LTBP2: variants seen among roughly 807,000 people sequenced by gnomAD.
The protein encoded by LTBP2 is latent-transforming growth factor beta-binding protein 2.
A neutral mutation model predicts 210.6 loss-of-function variants in LTBP2; 103 were observed. The ratio of observed to expected loss-of-function variants is 0.49; its 90% CI spans 0.42 to 0.58. The LOEUF (loss-of-function observed/expected upper bound fraction) is 0.58, where lower values mean the gene tolerates loss of function less well. LTBP2 is among the 20% of genes least tolerant of loss of function. LTBP2 has a pLI of 0.00. For synonymous variants in LTBP2, 1,007 were observed against 1,015.0 expected, an observed-to-expected ratio of 0.99 and a Z score of 0.15; for missense variants, 2,313 against 2,494.5, an observed-to-expected ratio of 0.93 and a Z score of 1.55.
chr14:74,585,881 G>T lies in LTBP2; in HGVS notation c.803C>A (p.Pro268Gln). Residue 268 changes from proline (P) to glutamine (Q), a missense_variant, in exon 3 of 36, where the codon CCG becomes CAG. This residue lies in a region of LTBP2 where 1,867 missense variants were observed against 1,976.9 expected (regional missense o/e 0.94). Coordinates refer to ENST00000261978, the MANE Select transcript of LTBP2 (RefSeq NM_000428.3). ...AGCTGGTGGCGACTGTGGTGCGGGCGGCGACTGTGGTGCTGGCGGCTGTGC... is the reference window on the plus strand; with the variant it reads ...AGCTGGTGGCGACTGTGGTGCGGGCTGCGACTGTGGTGCTGGCGGCTGTGC... The part of the protein sequence containing the change: ...ARAQPPAPQS[P>Q]PAPQSPPAGT... The T allele has an allele frequency of 6.2e-7, 1 of 1,613,934 alleles. No homozygotes were observed. The highest frequency in any genetic ancestry group is 8.5e-7 in the Non-Finnish European group (1 of 1,179,866).
intron 3 of LTBP2, among the ~76,000 whole-genome samples, chr14:74,570,894 T>C (rs1318136074): frequency 6.6e-6 from 1 of 152,086 alleles, no homozygotes; most frequent in Non-Finnish European, 1.5e-5. Context: ...CTGGGCAAAT[T>C]CTCAAAGTTT....
At chr14:74,555,967 G>T (rs776865772) in intron 3 of LTBP2, among the ~76,000 whole-genome samples, 2 of 152,138 alleles carry the variant, frequency 1.3e-5, no homozygotes, top group Non-Finnish European at 2.9e-5. Flanking sequence ...GCTCCTCTGG[G>T]CCCCAGGACC....
chr14:74,606,963 A>G (rs551451378), intron 1 of LTBP2, among the ~76,000 whole-genome samples: 1 of 152,082 alleles, frequency 6.6e-6, no homozygotes, highest in South Asian at 2.1e-4. Flanking sequence ...CATTGGTTGT[A>G]TCTCAGTCTT....
chr14:74,550,030 G>T, intron 7 of LTBP2, 65 bp from the exon 8 acceptor site: 1 of 1,088,998 alleles, frequency 9.2e-7, no homozygotes, highest in Non-Finnish European at 1.4e-6. Flanking sequence ...GCACAGAGAT[G>T]TCCCGGGAAA....
intron 8 of LTBP2, among the ~76,000 whole-genome samples, chr14:74,545,670 G>C (rs2087567396): frequency 6.6e-6 from 1 of 152,264 alleles, no homozygotes; most frequent in African/African-American, 2.4e-5. Context: ...CCAGATGTCT[G>C]TCTTTCTCAG....
At chr14:74,548,869 C>T (rs577266970) in intron 8 of LTBP2, among the ~76,000 whole-genome samples, 1 of 152,300 alleles carries the variant, frequency 6.6e-6, no homozygotes, top group African/African-American at 2.4e-5. Context: ...GGGACTGGTA[C>T]GTAGTATGTG....
chr14:74,518,393 C>T (rs957569473), intron 17 of LTBP2, among the ~76,000 whole-genome samples: 2 of 152,152 alleles, frequency 1.3e-5, no homozygotes, highest in Non-Finnish European at 2.9e-5. Context: ...TGTTTCCTGC[C>T]GCCCGCACCT....
At position 74,528,637 on chromosome 14, in the gene LTBP2, G is replaced by A. The variant is rs752713176; in HGVS notation, c.2214C>T (p.Arg738=). The part of the protein sequence containing the change: ...HGYTYASSDI[R]LSMRKAEEEE... ...CCTCCTCGGCTTTCCTCATGGACAG[G>A]CGGATGTCGGAGCTCGCGTAGGTGT... Residue 738 remains arginine, a synonymous_variant, in exon 12 of 36, where the codon CGC becomes CGT. Coordinates refer to ENST00000261978, the MANE Select transcript of LTBP2 (RefSeq NM_000428.3). 1.3e-5 allele frequency: 21 copies of A among 1,613,416 alleles called. No homozygotes were observed. The East Asian group carries it at 3.1e-4, about 24-fold the overall frequency.
At chr14:74,523,127 G>C (rs2087229699) in intron 15 of LTBP2, among the ~76,000 whole-genome samples, 1 of 152,068 alleles carries the variant, frequency 6.6e-6, no homozygotes, top group African/African-American at 2.4e-5. Flanking sequence ...ACCCAGGATG[G>C]AGGTCATAGT....
In LTBP2 at chr14:74,528,705, A is replaced by G. The variant is rs757638300; in HGVS notation, c.2153-7T>C. On this transcript the variant is annotated splice_region_variant and splice_polypyrimidine_tract_variant and intron_variant, in intron 11 of 35. Coordinates refer to ENST00000261978, the MANE Select transcript of LTBP2 (RefSeq NM_000428.3). Reference sequence around the variant, plus strand: ...CAGATCTCTCTGAAGGCCTCTGCAAAGCCAACAGCCAGAGGACAAACTGAG... The same window carrying G: ...CAGATCTCTCTGAAGGCCTCTGCAAGGCCAACAGCCAGAGGACAAACTGAG... 1.9e-6 allele frequency: 3 copies of G among 1,610,602 alleles called. No homozygotes were observed. Among genetic ancestry groups the G allele is most frequent in the Non-Finnish European group, 2.5e-6 (3 of 1,179,960 alleles).
chr14:74,596,742 G>A (rs2088370481), intron 2 of LTBP2, among the ~76,000 whole-genome samples: 1 of 152,204 alleles, frequency 6.6e-6, no homozygotes, highest in Admixed American at 6.5e-5. Flanking sequence ...CTGAGTGAGA[G>A]GAAGGTGTCC....
At position 74,501,002 on chromosome 14, in the gene LTBP2, C is replaced by T; in HGVS notation, c.5348G>A (p.Gly1783Glu). ...ACCATGGACACAGAGCACAGCAGGC[C>T]CGTTCAAGTCATCACACTCATTCAC... ...VDVNECDDLN[G>E]PAVLCVHGYC... The change falls in exon 36 of 36, where the codon GGG becomes GAG. Residue 1783 changes from glycine to glutamate, a missense_variant. Gly to Glu is a moderately conservative substitution (Grantham distance 98). Coordinates refer to ENST00000261978, the MANE Select transcript of LTBP2 (RefSeq NM_000428.3). 1 of 1,613,992 alleles carries T rather than the reference C, an allele frequency of 6.2e-7. No homozygotes were observed. The highest frequency in any genetic ancestry group is 8.5e-7 in the Non-Finnish European group (1 of 1,179,958).
intron 3 of LTBP2, among the ~76,000 whole-genome samples, chr14:74,576,292 G>A (rs1196404981): frequency 6.6e-6 from 1 of 152,156 alleles, no homozygotes; most frequent in East Asian, 1.9e-4. Flanking sequence ...TTAGGACAGG[G>A]GTGTCCATTC....
At chr14:74,540,024 T>C (rs1213659441) in intron 8 of LTBP2, among the ~76,000 whole-genome samples, 1 of 152,122 alleles carries the variant, frequency 6.6e-6, no homozygotes, top group African/African-American at 2.4e-5. Flanking sequence ...GGGAAATAAA[T>C]GCCAAGCCAC....
Position 74,509,612 on chromosome 14 carries a change from G to A in LTBP2, c.3277+122C>T, listed in dbSNP as rs1044317546. ...TGTTGGGGCCAGGTCCATTTATGGGGTCTTCTAGCCTAGCCTGGAGCCCCT... is the reference window on the plus strand; with the variant it reads ...TGTTGGGGCCAGGTCCATTTATGGGATCTTCTAGCCTAGCCTGGAGCCCCT... On this transcript the variant is annotated intron_variant, in intron 21 of 35. Coordinates refer to ENST00000261978, the MANE Select transcript of LTBP2 (RefSeq NM_000428.3). 2.1e-6 allele frequency: 3 copies of A among 1,420,784 alleles called. No homozygotes were observed. The African/African-American group carries it at 4.2e-5, about 20-fold the overall frequency. The allele number at this position is 1,420,784 out of a possible 1,614,324, so 88.0% of individuals were successfully genotyped here. A position where few individuals can be genotyped will look rare whatever the true frequency, so the allele number is the denominator to read the frequency against.
chr14:74,503,802 T>C, intron 31 of LTBP2, 124 bp downstream of exon 31: 12 of 1,454,830 alleles, frequency 8.2e-6, no homozygotes, highest in Non-Finnish European at 1.1e-5. Context: ...ACCAGCCTGC[T>C]GCAGTGGGCG....
rs1159047086 is a variant in LTBP2 at position 74,564,037 on chromosome 14, ATATATATATATT to A, written c.831-8356_831-8345del. Among the ~76,000 whole-genome samples the A allele has an allele frequency of 5.2e-3, 133 of 25,630 alleles. 5 individuals carry two copies. The highest frequency in any genetic ancestry group is 7.3e-3 in the Non-Finnish European group (73 of 10,052). 16.8% of individuals were successfully genotyped at this position (25,630 alleles called of 152,430 possible). A position where few individuals can be genotyped will look rare whatever the true frequency, so the allele number is the denominator to read the frequency against. ...ATAAACTGGTGCTATATATATATTT[ATATATATATATT>A]TATATATATATTTATATATATATAT... On this transcript the variant is annotated intron_variant, in intron 3 of 35. Coordinates refer to ENST00000261978, the MANE Select transcript of LTBP2 (RefSeq NM_000428.3).
chr14:74,507,236 G>A lies in LTBP2; in HGVS notation c.3850C>T (p.Arg1284Cys), dbSNP rs141033298. The A allele has an allele frequency of 2.1e-5, 34 of 1,614,042 alleles. No individual in the cohort carries two copies. The highest frequency in any genetic ancestry group is 4.5e-5 in the East Asian group (2 of 44,896). The change falls in exon 26 of 36, where the codon CGC (arginine) becomes TGC (cysteine). Residue 1284 changes from arginine to cysteine, a missense_variant. This residue lies in a region of LTBP2 where 1,867 missense variants were observed against 1,976.9 expected (regional missense o/e 0.94). Transcript: ENST00000261978. Reference protein sequence around the residue: ...WKCENSPGSYRCVLGCQPGFH... With the variant: ...WKCENSPGSYCCVLGCQPGFH... ...CCAGGCTGGCAGCCCAGAACACAGC[G>A]GTAGGAGCCAGGGCTGTTTTCACAC...
At chr14:74,590,692 T>G (rs1190464633) in intron 2 of LTBP2, among the ~76,000 whole-genome samples, 2 of 152,142 alleles carry the variant, frequency 1.3e-5, no homozygotes, top group Non-Finnish European at 2.9e-5. Context: ...TTGCAGCAAC[T>G]TGGATGGAGC....
Sources: allele counts gnomAD v4.1 joint callset (sites outside exome capture counted in the v4.1 genomes callset), GRCh38; gene constraint gnomAD v4.1.1; regional missense constraint gnomAD v4.1.1; transcripts MANE v1.5; gene names NCBI Gene and HGNC (gene_info 2026-07-23, HGNC 2026-07-21).